The following SNTG2 variants were observed in gnomAD, a reference collection of about 807,000 sequenced individuals.
SNTG2 encodes gamma-2-syntrophin.
A neutral mutation model predicts 70.9 loss-of-function variants in SNTG2; 74 were observed. The observed-to-expected ratio is 1.04, with a 90% confidence interval of 0.86 to 1.27. The LOEUF is 1.27. Ranked by LOEUF, SNTG2 falls within the 50% of genes most tolerant of loss-of-function variation. The probability of loss-of-function intolerance (pLI) is 0.00; values close to 1 mark genes in which losing one functional copy is unlikely to be tolerated. For missense variants in SNTG2, 717 were observed against 690.7 expected (o/e 1.04, Z -0.43); for synonymous variants, 278 against 273.8 (o/e 1.02, Z -0.15).
chr2:1,114,443 T>C (rs1300964671), intron 4 of SNTG2, among the ~76,000 whole-genome samples: 1 of 152,082 alleles, frequency 6.6e-6, no homozygotes, highest in East Asian at 1.9e-4. Context: ...CTTACAGTCC[T>C]TTAAGGAGGA....
At chr2:1,278,094 A>G (rs1679341257) in intron 14 of SNTG2, among the ~76,000 whole-genome samples, 1 of 152,252 alleles carries the variant, frequency 6.6e-6, no homozygotes, top group African/African-American at 2.4e-5. Flanking sequence ...TAACTGGGAC[A>G]TCTCTTTCGG....
chr2:1,182,532 TAAAAA>T (rs978061798), intron 8 of SNTG2, among the ~76,000 whole-genome samples: 1 of 152,010 alleles, frequency 6.6e-6, no homozygotes, highest in African/African-American at 2.4e-5. Context: ...GCTATAATAA[TAAAAA>T]TAAATAAATA....
chr2:990,420 C>A (rs1661451932), intron 1 of SNTG2, among the ~76,000 whole-genome samples: 1 of 152,296 alleles, frequency 6.6e-6, no homozygotes, highest in Non-Finnish European at 1.5e-5. Flanking sequence ...GCTTCAGTGT[C>A]TGATGAGGGC....
intron 1 of SNTG2, among the ~76,000 whole-genome samples, chr2:1,011,086 T>G (rs1659717352): frequency 6.6e-6 from 1 of 152,246 alleles, no homozygotes; most frequent in African/African-American, 2.4e-5. Context: ...TTTTAGTTTA[T>G]TGAACGGAAG....
intron 14 of SNTG2, among the ~76,000 whole-genome samples, chr2:1,296,511 A>G (rs965670718): frequency 1.3e-5 from 2 of 152,212 alleles, no homozygotes; most frequent in Non-Finnish European, 2.9e-5. Flanking sequence ...CTACCCGTGT[A>G]TTAGTAAAAC....
chr2:1,110,219 GA>G (rs1373338137), intron 4 of SNTG2, among the ~76,000 whole-genome samples: 1 of 152,132 alleles, frequency 6.6e-6, no homozygotes, highest in African/African-American at 2.4e-5. Flanking sequence ...TCATGGCCTG[GA>G]CACCTGTAAA....
intron 15 of SNTG2, among the ~76,000 whole-genome samples, chr2:1,309,030 G>A (rs1264488495): frequency 2.6e-5 from 4 of 152,208 alleles, no homozygotes; most frequent in African/African-American, 7.2e-5. Context: ...CCCCATCTGA[G>A]TATTCTCCTA....
At chr2:1,124,460 A>T (rs112516959) in intron 4 of SNTG2, among the ~76,000 whole-genome samples, 1 of 151,824 alleles carries the variant, frequency 6.6e-6, no homozygotes, top group Non-Finnish European at 1.5e-5. Flanking sequence ...ACGCCCGGCT[A>T]ATTTTTTTTG....
chr2:1,171,600 C>T (rs1671128363), intron 7 of SNTG2, among the ~76,000 whole-genome samples: 1 of 152,154 alleles, frequency 6.6e-6, no homozygotes, highest in South Asian at 2.1e-4. Flanking sequence ...GGCTGGTCCA[C>T]AGCAGAGTCT....
intron 6 of SNTG2, among the ~76,000 whole-genome samples, chr2:1,156,111 A>G (rs1669878646): frequency 6.6e-6 from 1 of 152,194 alleles, no homozygotes; most frequent in African/African-American, 2.4e-5. Flanking sequence ...GAACAGAGAA[A>G]TGGCACAGGG....
At chr2:1,135,100 T>C (rs1668292544) in intron 4 of SNTG2, among the ~76,000 whole-genome samples, 1 of 152,226 alleles carries the variant, frequency 6.6e-6, no homozygotes, top group South Asian at 2.1e-4. Flanking sequence ...TGTGCGTTTT[T>C]CTGATGTCTG....
intron 1 of SNTG2, among the ~76,000 whole-genome samples, chr2:976,492 T>G (rs889655933): frequency 6.6e-6 from 1 of 152,216 alleles, no homozygotes; most frequent in Admixed American, 6.5e-5. Flanking sequence ...CCCACCTCCC[T>G]GTCCTTGTTT....
At chr2:1,306,206 C>G (rs764568831) in intron 14 of SNTG2, among the ~76,000 whole-genome samples, 1 of 152,140 alleles carries the variant, frequency 6.6e-6, no homozygotes, top group Non-Finnish European at 1.5e-5. Context: ...GGACTCTCAT[C>G]GCCAATGCCA....
At chr2:1,172,839 C>T (rs975824386) in intron 7 of SNTG2, among the ~76,000 whole-genome samples, 3 of 152,130 alleles carry the variant, frequency 2.0e-5, no homozygotes, top group African/African-American at 7.2e-5. Context: ...CTGATGCTGT[C>T]CCTCCACCCT....
chr2:1,203,533 A>G (rs1405681921), intron 8 of SNTG2, among the ~76,000 whole-genome samples: 1 of 151,744 alleles, frequency 6.6e-6, no homozygotes, highest in Non-Finnish European at 1.5e-5. Flanking sequence ...GCGTATCTGT[A>G]ATCCCAGCTT....
chr2:1,196,388 T>A (rs989044517), intron 8 of SNTG2, among the ~76,000 whole-genome samples: 2 of 152,148 alleles, frequency 1.3e-5, no homozygotes, highest in Non-Finnish European at 2.9e-5. Flanking sequence ...CACATTAAAA[T>A]GATTACATAT....
At chr2:1,030,965 T>G (rs1660782849) in intron 1 of SNTG2, among the ~76,000 whole-genome samples, 2 of 152,198 alleles carry the variant, frequency 1.3e-5, no homozygotes, top group South Asian at 4.1e-4. Context: ...TAGGGATTAT[T>G]CTTTAAGCAA....
At chr2:1,228,419 C>T (rs988641062) in intron 9 of SNTG2, among the ~76,000 whole-genome samples, 16 of 152,246 alleles carry the variant, frequency 1.1e-4, no homozygotes, top group Non-Finnish European at 1.9e-4. Context: ...TGTCCAGCCC[C>T]TGGGAGACCC....
intron 9 of SNTG2, 40 bp from the exon 10 acceptor site, chr2:1,237,848 G>A (rs772781739): frequency 8.9e-6 from 14 of 1,566,156 alleles, no homozygotes; most frequent in African/African-American, 4.1e-5. Flanking sequence ...GCCCGCTCCC[G>A]TCGCTGCGGG....
Sources: gnomAD v4.1 joint callset for allele counts (sites outside exome capture counted in the v4.1 genomes callset) on GRCh38, gnomAD v4.1.1 for gene constraint, MANE v1.5 for transcripts, NCBI Gene and HGNC (gene_info 2026-07-23, HGNC 2026-07-21) for gene names.